Variants in VRK3 observed in about 807,000 individuals in gnomAD.
VRK3 encodes the protein serine/threonine-protein kinase VRK3.
Under a neutral mutation model 60.4 loss-of-function variants are expected in VRK3, and 50 were observed. The observed-to-expected ratio is 0.83, with a 90% CI of 0.66 to 1.05. VRK3 has a LOEUF of 1.05. Among genes scored for constraint, VRK3 ranks in the 50% least tolerant of loss-of-function variants. The pLI, the probability that VRK3 is intolerant of heterozygous loss-of-function variation, is 0.00. For synonymous variants in VRK3, 246 were observed against 227.8 expected, an observed-to-expected ratio of 1.08 and a Z score of -0.72; for missense variants, 549 against 585.3, an observed-to-expected ratio of 0.94 and a Z score of 0.64.
chr19:49,989,853 A>C (rs2076580539), intron 10 of VRK3, 82 bp from the exon 11 acceptor site: 1 of 1,447,234 alleles, frequency 6.9e-7, no homozygotes, highest in East Asian at 2.4e-5. Context: ...GCAAGTGACA[A>C]CAAACATTCT....
intron 5 of VRK3, among the ~76,000 whole-genome samples, chr19:50,007,112 C>T (rs1302136529): frequency 6.6e-6 from 1 of 152,238 alleles, no homozygotes; most frequent in East Asian, 1.9e-4. Context: ...ACAGAGACCC[C>T]TATTATGTAA....
intron 10 of VRK3, among the ~76,000 whole-genome samples, chr19:49,990,418 ACT>A (rs969131558): frequency 3.9e-4 from 59 of 152,190 alleles, no homozygotes; most frequent in African/African-American, 1.3e-3. Context: ...ATGGGGTTTC[ACT>A]CTGTCACCCA....
intron 3 of VRK3, among the ~76,000 whole-genome samples, chr19:50,013,527 T>C (rs1033717786): frequency 6.6e-6 from 1 of 152,256 alleles, no homozygotes; most frequent in African/African-American, 2.4e-5. Flanking sequence ...ATAAAATGAA[T>C]GTCACTTGAC....
At position 50,009,361 on chromosome 19, in the gene VRK3, CTG is replaced by C; in HGVS notation, c.162_163del (p.Ser55PhefsTer2). ...CACTTTCTTAGGAGAGGTTTCAAAACTGGAGTTCAGCCCTCTCTTTGAGCCTA... is the reference window on the plus strand; with the variant it reads ...CACTTTCTTAGGAGAGGTTTCAAAACGAGTTCAGCCCTCTCTTTGAGCCTA... On this transcript the variant is annotated frameshift_variant, in exon 4 of 15. Transcript: ENST00000316763. LOFTEE classifies it high-confidence loss of function. 6.2e-7 allele frequency: 1 copy of C among 1,613,898 alleles called. No homozygotes were observed. Among genetic ancestry groups the C allele is most frequent in the East Asian group, 2.2e-5 (1 of 44,868 alleles).
At chr19:49,998,978 C>G (rs1034583479) in intron 6 of VRK3, 11 of 76,668 alleles carry the variant, frequency 1.4e-4, no homozygotes, top group African/African-American at 3.7e-4. Flanking sequence ...AAAAAAAAAG[C>G]TGGACGTGGT....
chr19:49,982,225 A>C (rs1219124104), intron 12 of VRK3: 1 of 702,860 alleles, frequency 1.4e-6, no homozygotes, highest in East Asian at 2.7e-5. Flanking sequence ...CTCATGACCA[A>C]CAGCACCGTA....
intron 5 of VRK3, among the ~76,000 whole-genome samples, chr19:50,003,397 T>G (rs2076841471): frequency 6.6e-6 from 1 of 152,258 alleles, no homozygotes; most frequent in Non-Finnish European, 1.5e-5. Context: ...ACCTTTCATC[T>G]GCAAAGGCAG....
At chr19:49,995,086 A>T in intron 8 of VRK3, 105 bp downstream of exon 8, 1 of 1,348,822 alleles carries the variant, frequency 7.4e-7, no homozygotes. Context: ...GAAGGCAGGA[A>T]GCAAAGACCT....
chr19:49,987,162 C>G (rs538650617), intron 12 of VRK3, among the ~76,000 whole-genome samples: 1 of 152,236 alleles, frequency 6.6e-6, no homozygotes, highest in African/African-American at 2.4e-5. Flanking sequence ...CGTGAACCAC[C>G]GTGCCCGGCC....
chr19:49,988,947 G>A (rs1260366375), intron 11 of VRK3, among the ~76,000 whole-genome samples: 1 of 152,164 alleles, frequency 6.6e-6, no homozygotes, highest in Non-Finnish European at 1.5e-5. Flanking sequence ...GTGGGGGAGG[G>A]CGGGGGAGAC....
intron 13 of VRK3, among the ~76,000 whole-genome samples, chr19:49,980,004 C>A (rs947713137): frequency 6.6e-6 from 1 of 151,844 alleles, no homozygotes; most frequent in Admixed American, 6.6e-5. Flanking sequence ...GAGCCAAGAT[C>A]ACGCCACCGC....
chr19:49,987,521 GA>G (rs1470447585), intron 12 of VRK3, among the ~76,000 whole-genome samples: 2 of 152,190 alleles, frequency 1.3e-5, no homozygotes, highest in Non-Finnish European at 2.9e-5. Context: ...CTTTGGTGCT[GA>G]ATGTTTAAAC....
intron 12 of VRK3, chr19:49,987,699 G>GTTTTTTT (rs2076539833): frequency 8.1e-6 from 1 of 123,946 alleles, no homozygotes; most frequent in African/African-American, 3.6e-5. Flanking sequence ...CACACAATGA[G>GTTTTTTT]CTTTTTTTTT....
intron 3 of VRK3, among the ~76,000 whole-genome samples, chr19:50,011,393 TTTC>T (rs1217008419): frequency 6.6e-6 from 1 of 152,242 alleles, no homozygotes; most frequent in Admixed American, 6.5e-5. Flanking sequence ...ACAAATGTCC[TTTC>T]TTTTTAGTTG....
intron 4 of VRK3, 44 bp from the exon 5 acceptor site, chr19:50,007,870 A>G (rs1290031700): frequency 1.2e-6 from 2 of 1,607,380 alleles, no homozygotes; most frequent in Admixed American, 1.7e-5. Flanking sequence ...CATCCAGGAG[A>G]GAAAAGTTAG....
intron 3 of VRK3, among the ~76,000 whole-genome samples, chr19:50,012,097 G>T (rs1043304322): frequency 6.6e-6 from 1 of 151,536 alleles, no homozygotes; most frequent in Non-Finnish European, 1.5e-5. Flanking sequence ...TCAGCCTCCC[G>T]AGTAGCTGGG....
intron 6 of VRK3, chr19:50,000,402 C>G (rs1487839277): frequency 4.2e-6 from 1 of 236,498 alleles, no homozygotes; most frequent in Non-Finnish European, 8.4e-6. Flanking sequence ...CTTTTGGACC[C>G]CACACCCAGC....
intron 3 of VRK3, among the ~76,000 whole-genome samples, chr19:50,012,341 A>G (rs2122527150): frequency 6.6e-6 from 1 of 152,244 alleles, no homozygotes; most frequent in South Asian, 2.1e-4. Context: ...TTCCCTGAAA[A>G]GCATGTTCCC....
intron 2 of VRK3, among the ~76,000 whole-genome samples, chr19:50,017,833 GT>G (rs879722022): frequency 7.4e-5 from 11 of 148,286 alleles, no homozygotes; most frequent in East Asian, 2.0e-4. Context: ...AATTTTTTAA[GT>G]TTTTTTTTTA....
Sources: allele counts gnomAD v4.1 joint callset (sites outside exome capture counted in the v4.1 genomes callset), GRCh38; gene constraint gnomAD v4.1.1; transcripts MANE v1.5; gene names NCBI Gene and HGNC (gene_info 2026-07-23, HGNC 2026-07-21).